The following WDR70 variants were observed in gnomAD, a reference collection of about 807,000 sequenced individuals.
WDR70 encodes WD repeat domain 70.
A neutral mutation model predicts 88.6 loss-of-function variants in WDR70; 53 were observed. The ratio of observed to expected loss-of-function variants is 0.60; its 90% confidence interval spans 0.48 to 0.75. The LOEUF (loss-of-function observed/expected upper bound fraction) is 0.75. Among genes scored for constraint, WDR70 ranks in the 30% least tolerant of loss-of-function variants. The pLI is 0.00. For missense variants in WDR70, 610 were observed against 823.2 expected, an observed-to-expected ratio of 0.74 and a Z score of 3.17; for synonymous variants, 280 against 270.0, an observed-to-expected ratio of 1.04 and a Z score of -0.36.
intron 10 of WDR70, among the ~76,000 whole-genome samples, chr5:37,692,188 A>G (rs1191347987): frequency 6.6e-6 from 1 of 152,118 alleles, no homozygotes; most frequent in Non-Finnish European, 1.5e-5. Context: ...TTTTCTGAAC[A>G]GACCAATAAC....
intron 7 of WDR70, 93 bp from the exon 8 acceptor site, chr5:37,479,741 G>C: frequency 7.2e-7 from 1 of 1,382,078 alleles, no homozygotes; most frequent in Non-Finnish European, 9.9e-7. Flanking sequence ...TTGTCCATTT[G>C]TGTAACATTT....
At chr5:37,395,059 C>T (rs1013678088) in intron 4 of WDR70, among the ~76,000 whole-genome samples, 1 of 152,178 alleles carries the variant, frequency 6.6e-6, no homozygotes, top group Non-Finnish European at 1.5e-5. Context: ...AACAGAAATT[C>T]GTGCTTTCCT....
intron 10 of WDR70, among the ~76,000 whole-genome samples, chr5:37,675,220 A>G (rs1034319432): frequency 4.6e-5 from 7 of 152,202 alleles, no homozygotes; most frequent in Non-Finnish European, 7.4e-5. Flanking sequence ...TTTGCTGTGC[A>G]GAAGCTCTTT....
In WDR70 at chr5:37,437,953, A is replaced by G; in HGVS notation, c.524A>G (p.Glu175Gly). Residue 175 changes from glutamate (E) to glycine (G), a missense_variant, in exon 6 of 18, where the codon GAG (glutamate) becomes GGG (glycine). Transcript: ENST00000265107. ...NPVHKIPDSHEITLKHGTKTV... is the reference protein window; with the variant it reads ...NPVHKIPDSHGITLKHGTKTV... ...GTTCACAAGATTCCTGACTCGCATGAGATAACGCTGAAGCATGGCACTAAA... is the reference window on the plus strand; with the variant it reads ...GTTCACAAGATTCCTGACTCGCATGGGATAACGCTGAAGCATGGCACTAAA... The G allele has an allele frequency of 6.2e-7, 1 of 1,610,764 alleles. No homozygotes were observed. The highest frequency in any genetic ancestry group is 8.5e-7 in the Non-Finnish European group (1 of 1,178,370).
chr5:37,643,037 T>C (rs1745146235), intron 10 of WDR70, among the ~76,000 whole-genome samples: 1 of 152,098 alleles, frequency 6.6e-6, no homozygotes, highest in Admixed American at 6.6e-5. Flanking sequence ...CCTATGCTTG[T>C]GGGGTATTGC....
intron 9 of WDR70, among the ~76,000 whole-genome samples, chr5:37,591,845 T>G (rs1743539412): frequency 6.6e-6 from 1 of 152,206 alleles, no homozygotes; most frequent in Non-Finnish European, 1.5e-5. Context: ...TAAGTCATAT[T>G]TAAACCAAGA....
chr5:37,715,778 A>G (rs1482820625), intron 13 of WDR70, among the ~76,000 whole-genome samples: 1 of 152,228 alleles, frequency 6.6e-6, no homozygotes, highest in Non-Finnish European at 1.5e-5. Context: ...TTCTCTGTGA[A>G]GAATATCTTG....
At chr5:37,402,160 T>A (rs1749215850) in intron 5 of WDR70, among the ~76,000 whole-genome samples, 1 of 152,182 alleles carries the variant, frequency 6.6e-6, no homozygotes, top group Non-Finnish European at 1.5e-5. Flanking sequence ...TTATTTAGCT[T>A]CATCTGAATG....
intron 7 of WDR70, among the ~76,000 whole-genome samples, chr5:37,475,822 G>A (rs1739463334): frequency 6.9e-6 from 1 of 144,036 alleles, no homozygotes; most frequent in South Asian, 2.2e-4. Context: ...CCTCTTTACT[G>A]TCTTGTCTTT....
intron 9 of WDR70, among the ~76,000 whole-genome samples, chr5:37,573,006 T>C (rs1369377784): frequency 6.6e-6 from 1 of 152,224 alleles, no homozygotes; most frequent in Non-Finnish European, 1.5e-5. Flanking sequence ...CTCTTTCTTC[T>C]TCCTGGAATG....
At chr5:37,742,305 G>A (rs148431322) in intron 17 of WDR70, among the ~76,000 whole-genome samples, 1 of 149,984 alleles carries the variant, frequency 6.7e-6, no homozygotes, top group Non-Finnish European at 1.5e-5. Flanking sequence ...TTGTGGTGAG[G>A]TGGTATCTCA....
chr5:37,695,084 G>T (rs1190817155), intron 10 of WDR70, among the ~76,000 whole-genome samples: 1 of 152,158 alleles, frequency 6.6e-6, no homozygotes, highest in Non-Finnish European at 1.5e-5. Context: ...TGGTTGGCTT[G>T]TGGGGATGCC....
intron 10 of WDR70, among the ~76,000 whole-genome samples, chr5:37,678,926 C>A (rs926217629): frequency 1.1e-4 from 16 of 152,114 alleles, no homozygotes; most frequent in African/African-American, 2.9e-4. Context: ...AGGCTTTGTT[C>A]GTTTCTTTTT....
intron 9 of WDR70, among the ~76,000 whole-genome samples, chr5:37,524,180 A>T (rs10452470): frequency 0.019 from 2,958 of 152,336 alleles, 87 homozygotes; most frequent in African/African-American, 0.067. Context: ...CATAATTGTC[A>T]GATTCACCAA....
chr5:37,697,626 A>G (rs1747019191), intron 10 of WDR70, 29 bp from the exon 11 acceptor site: 1 of 1,584,178 alleles, frequency 6.3e-7, no homozygotes, highest in African/African-American at 1.3e-5. Flanking sequence ...GAGGTGAGAT[A>G]TTAACACTTT....
At position 37,381,727 on chromosome 5, in the gene WDR70, TATGTATACCTCATGCAA is replaced by T. The variant is rs369280385; in HGVS notation, c.175+43_175+59del. ...TTTGTTCTTTTATTGGTTTAAGTAC[TATGTATACCTCATGCAA>T]GTATATTAAAAAAGAGAAAAGAATG... is the stretch of plus-strand genomic sequence containing the variant. On this transcript the variant is annotated intron_variant, in intron 3 of 17. Coordinates refer to ENST00000265107, the MANE Select transcript of WDR70 (RefSeq NM_018034.4). 18 of 1,565,792 alleles carry T rather than the reference TATGTATACCTCATGCAA, an allele frequency of 1.1e-5. No individual in the cohort carries two copies. The Middle Eastern group carries it at 8.5e-4, about 74-fold the overall frequency.
At chr5:37,562,772 A>G (rs1742554808) in intron 9 of WDR70, among the ~76,000 whole-genome samples, 2 of 152,122 alleles carry the variant, frequency 1.3e-5, no homozygotes, top group Non-Finnish European at 2.9e-5. Flanking sequence ...GGGTAAGGTC[A>G]CAGATCAACA....
In WDR70 at chr5:37,628,484, T is replaced by G. The variant is rs528720439; in HGVS notation, c.1092+23246T>G. 2.6e-5 allele frequency among the ~76,000 whole-genome samples: 4 copies of G among 152,360 alleles called. No homozygotes were observed. In the South Asian group the frequency reaches 8.3e-4, roughly 32 times the overall value. On this transcript the variant is annotated intron_variant, in intron 10 of 17. Transcript: ENST00000265107. ...TATATAACGTACTTTTTTGTCACTT[T>G]ATAGCTTTTAACTTGAAGTCTATTT...
At chr5:37,385,168 C>A (rs1748569478) in intron 3 of WDR70, among the ~76,000 whole-genome samples, 1 of 152,016 alleles carries the variant, frequency 6.6e-6, no homozygotes, top group Non-Finnish European at 1.5e-5. Flanking sequence ...CTGGGTGCAC[C>A]AACTCCCCAG....
Sources: gnomAD v4.1 joint callset for allele counts (sites outside exome capture counted in the v4.1 genomes callset) on GRCh38, gnomAD v4.1.1 for gene constraint, MANE v1.5 for transcripts, NCBI Gene and HGNC (gene_info 2026-07-23, HGNC 2026-07-21) for gene names.